CDH20: variants seen among roughly 807,000 people sequenced by gnomAD.
CDH20 encodes cadherin 20.
CDH20 carries 29 observed loss-of-function variants against 74.2 expected under a neutral mutation model. The observed-to-expected ratio is 0.39, with a 90% CI of 0.29 to 0.53. CDH20 has a LOEUF of 0.53. CDH20 is among the 20% of genes least tolerant of loss of function. The pLI is 0.69. For synonymous variants in CDH20, 469 were observed against 405.4 expected (o/e 1.16, Z -1.88); for missense variants, 988 against 1,048.3 (o/e 0.94, Z 0.79).
intron 1 of CDH20, among the ~76,000 whole-genome samples, chr18:61,387,864 A>T (rs1167146026): frequency 5.3e-5 from 8 of 152,180 alleles, no homozygotes; most frequent in African/African-American, 1.9e-4. Flanking sequence ...CCCTGATTGT[A>T]TAGGGGCAAT....
chr18:61,446,995 A>G (rs559758783), intron 1 of CDH20, among the ~76,000 whole-genome samples: 2 of 152,242 alleles, frequency 1.3e-5, no homozygotes, highest in Non-Finnish European at 2.9e-5. Flanking sequence ...TTCAATCTGC[A>G]CAGGAGTATC....
chr18:61,406,552 T>A (rs139297684), intron 1 of CDH20, among the ~76,000 whole-genome samples: 1 of 152,284 alleles, frequency 6.6e-6, no homozygotes, highest in Non-Finnish European at 1.5e-5. Context: ...AACAAATTAA[T>A]AAGTACAATA....
intron 10 of CDH20, among the ~76,000 whole-genome samples, chr18:61,545,572 G>T (rs1913219697): frequency 6.6e-6 from 1 of 152,092 alleles, no homozygotes; most frequent in East Asian, 1.9e-4. Context: ...CCCACTGGTA[G>T]CAGCCCTGTT....
chr18:61,479,225 A>AC (rs1484958907), intron 1 of CDH20, among the ~76,000 whole-genome samples: 50 of 151,858 alleles, frequency 3.3e-4, no homozygotes, highest in Middle Eastern at 3.4e-3. Context: ...CCAAAAAAAA[A>AC]CCCAAGATGG....
chr18:61,413,133 A>G (rs1197032124), intron 1 of CDH20, among the ~76,000 whole-genome samples: 1 of 152,150 alleles, frequency 6.6e-6, no homozygotes, highest in Non-Finnish European at 1.5e-5. Flanking sequence ...TATCTTACAC[A>G]TGCAAATACA....
intron 1 of CDH20, among the ~76,000 whole-genome samples, chr18:61,449,116 A>T (rs897302242): frequency 1.3e-5 from 2 of 152,200 alleles, no homozygotes; most frequent in African/African-American, 4.8e-5. Flanking sequence ...CATTAAAGTC[A>T]AACGTGAGCC....
intron 1 of CDH20, among the ~76,000 whole-genome samples, chr18:61,371,988 G>T (rs1911059509): frequency 6.6e-6 from 1 of 152,066 alleles, no homozygotes; most frequent in Non-Finnish European, 1.5e-5. Flanking sequence ...ATCCCTGTGA[G>T]AGTTAAATTG....
intron 1 of CDH20, among the ~76,000 whole-genome samples, chr18:61,407,435 G>A (rs1450678732): frequency 6.6e-6 from 1 of 152,174 alleles, no homozygotes; most frequent in African/African-American, 2.4e-5. Flanking sequence ...GGTGGGGGAA[G>A]TCCTTCCTTC....
intron 1 of CDH20, among the ~76,000 whole-genome samples, chr18:61,456,919 A>G (rs1230228575): frequency 1.3e-5 from 2 of 152,152 alleles, no homozygotes; most frequent in African/African-American, 2.4e-5. Context: ...TCCTTTCATT[A>G]GGCCACTAAT....
chr18:61,339,267 A>G (rs1599023259), intron 1 of CDH20, among the ~76,000 whole-genome samples: 2 of 152,026 alleles, frequency 1.3e-5, no homozygotes, highest in Admixed American at 1.3e-4. Context: ...CTGAATTACT[A>G]TTTACCAGTA....
intron 1 of CDH20, among the ~76,000 whole-genome samples, chr18:61,335,974 T>A (rs1367594078): frequency 6.6e-6 from 1 of 152,236 alleles, no homozygotes; most frequent in African/African-American, 2.4e-5. Flanking sequence ...TTTATACTAC[T>A]GAAACGCCCC....
rs182175152 is a variant in CDH20, at chr18:61,531,497, G to A, written c.1271+3277G>A. Among the ~76,000 whole-genome samples, 217 of 152,274 alleles carry A rather than the reference G, an allele frequency of 1.4e-3. 1 individual carries two copies. The highest frequency in any genetic ancestry group is 4.9e-3 in the African/African-American group (204 of 41,564). ...ATCGGTGTTTTTTTATTTTATATTAGAGAAAATTCAATTCTGAAAATAGTA... is the reference window on the plus strand; with the variant it reads ...ATCGGTGTTTTTTTATTTTATATTAAAGAAAATTCAATTCTGAAAATAGTA... On this transcript the variant is annotated intron_variant, in intron 7 of 11. Coordinates refer to ENST00000262717, the MANE Select transcript of CDH20 (RefSeq NM_031891.4).
chr18:61,396,158 A>C (rs1054725808), intron 1 of CDH20, among the ~76,000 whole-genome samples: 8 of 152,010 alleles, frequency 5.3e-5, no homozygotes, highest in African/African-American at 1.9e-4. Flanking sequence ...TTTAACCTTA[A>C]TAGCTATTTC....
chr18:61,420,768 A>C (rs937352186), intron 1 of CDH20, among the ~76,000 whole-genome samples: 5 of 152,026 alleles, frequency 3.3e-5, no homozygotes, highest in Non-Finnish European at 7.4e-5. Flanking sequence ...CCTATTAAAC[A>C]ATCTGGCTGG....
In CDH20 at chr18:61,404,186, C is replaced by T. The variant is rs137861660; in HGVS notation, c.-153+70359C>T. Reference sequence around the variant, plus strand: ...GCACACCTTTACCTATGTAACAAACCTGCACGTCCTGCACATGTATCCTAG... The same window carrying T: ...GCACACCTTTACCTATGTAACAAACTTGCACGTCCTGCACATGTATCCTAG... On this transcript the variant is annotated intron_variant, in intron 1 of 11. Coordinates refer to ENST00000262717, the MANE Select transcript of CDH20 (RefSeq NM_031891.4). 2.4e-4 allele frequency among the ~76,000 whole-genome samples: 37 copies of T among 152,268 alleles called. 1 individual carries two copies. The East Asian group carries it at 6.0e-3, about 25-fold the overall frequency.
At chr18:61,364,325 TGTTTTAGACCGAGTTTC>T (rs965007067) in intron 1 of CDH20, among the ~76,000 whole-genome samples, 1 of 151,944 alleles carries the variant, frequency 6.6e-6, no homozygotes, top group African/African-American at 2.4e-5. Context: ...TTTGTTTGTT[TGTTTTAGACCGAGTTTC>T]GTTCTTGTTG....
intron 1 of CDH20, among the ~76,000 whole-genome samples, chr18:61,467,133 T>A (rs952187725): frequency 2.6e-5 from 4 of 151,922 alleles, no homozygotes; most frequent in African/African-American, 9.7e-5. Flanking sequence ...TCTGGTACCA[T>A]CTCTAATGAC....
intron 1 of CDH20, among the ~76,000 whole-genome samples, chr18:61,394,299 G>A (rs957506899): frequency 2.6e-5 from 4 of 152,050 alleles, no homozygotes; most frequent in Non-Finnish European, 5.9e-5. Context: ...GTTCTACCCC[G>A]CAAGACCTCA....
chr18:61,372,795 CA>C (rs1458685962), intron 1 of CDH20, among the ~76,000 whole-genome samples: 3 of 152,096 alleles, frequency 2.0e-5, no homozygotes, highest in Non-Finnish European at 4.4e-5. Context: ...GAATGGTGCA[CA>C]AAGCCTAAGG....
Sources: allele counts gnomAD v4.1 joint callset (sites outside exome capture counted in the v4.1 genomes callset), GRCh38; gene constraint gnomAD v4.1.1; transcripts MANE v1.5; gene names NCBI Gene and HGNC (gene_info 2026-07-23, HGNC 2026-07-21).